ACSM2A: variants seen among roughly 807,000 people sequenced by gnomAD.
ACSM2A encodes the protein acyl-CoA synthetase medium chain family member 2A.
In ACSM2A, 72 loss-of-function variants were observed where a neutral mutation model predicts 76.6. The ratio of observed to expected loss-of-function variants is 0.94; its 90% confidence interval spans 0.78 to 1.14. ACSM2A has a LOEUF of 1.14. Among genes scored for constraint, ACSM2A ranks in the 50% most tolerant of loss-of-function variants. ACSM2A has a pLI of 0.00. For synonymous variants in ACSM2A, 249 were observed against 255.9 expected, an observed-to-expected ratio of 0.97 and a Z score of 0.26; for missense variants, 684 against 708.5, an observed-to-expected ratio of 0.97 and a Z score of 0.39.
In ACSM2A at chr16:20,480,812, T is replaced by G. The variant is rs1358549168; in HGVS notation, c.1410-10T>G. On this transcript the variant is annotated splice_polypyrimidine_tract_variant and intron_variant, in intron 11 of 13. Coordinates refer to ENST00000573854, the MANE Select transcript of ACSM2A (RefSeq NM_001308172.2). ...GTCCAGTGTTCTCTGAAGGACAGGT[T>G]CTTCTGCAGGTACCGGATTGGACCC... 1.2e-6 allele frequency: 2 copies of G among 1,613,900 alleles called. No individual in the cohort carries two copies. The highest frequency in any genetic ancestry group is 1.7e-6 in the Non-Finnish European group (2 of 1,179,856).
Position 20,483,217 on chromosome 16 carries a change from A to C in ACSM2A, c.1629+40A>C, listed in dbSNP as rs374630512. The C allele has an allele frequency of 2.5e-6, 4 of 1,607,136 alleles. No individual in the cohort carries two copies. The South Asian group carries it at 4.4e-5, about 18-fold the overall frequency. ...CTCCCAAGTCACTCAAACTTGAGAA[A>C]TAGATTGTTTTCCTGTTATATTTAT... On this transcript the variant is annotated intron_variant, in intron 13 of 13. Transcript: ENST00000573854.
intron 6 of ACSM2A, chr16:20,473,936 C>A: frequency 2.6e-6 from 1 of 389,294 alleles, no homozygotes; most frequent in Admixed American, 3.1e-5. Context: ...TTAACTAAGG[C>A]ATTCCTTTCT....
intron 8 of ACSM2A, chr16:20,476,037 A>G: frequency 9.4e-7 from 1 of 1,063,270 alleles, no homozygotes; most frequent in Non-Finnish European, 1.2e-6. Context: ...GCAGGTGGTG[A>G]GAAATGCGAT....
intron 1 of ACSM2A, among the ~76,000 whole-genome samples, chr16:20,458,835 A>T: frequency 7.1e-6 from 1 of 140,626 alleles, no homozygotes; most frequent in Non-Finnish European, 1.5e-5. Flanking sequence ...AATATATATA[A>T]AAAAGAATTT....
chr16:20,466,796 G>A (rs2013026400), intron 3 of ACSM2A, among the ~76,000 whole-genome samples: 1 of 152,156 alleles, frequency 6.6e-6, no homozygotes, highest in Non-Finnish European at 1.5e-5. Context: ...CAGACTTAGG[G>A]TTTACCATAA....
At chr16:20,477,151 T>G in intron 8 of ACSM2A, 1 of 691,550 alleles carries the variant, frequency 1.4e-6, no homozygotes, top group Non-Finnish European at 2.1e-6. Context: ...TCCTGGGGAG[T>G]GGTAGATGGG....
At chr16:20,456,951 A>G (rs1476295432) in intron 1 of ACSM2A, among the ~76,000 whole-genome samples, 1 of 151,868 alleles carries the variant, frequency 6.6e-6, no homozygotes, top group African/African-American at 2.4e-5. Flanking sequence ...AATAAGCTCA[A>G]TTAGAAAGGA....
intron 4 of ACSM2A, 53 bp downstream of exon 4, chr16:20,469,772 C>T: frequency 6.2e-7 from 1 of 1,609,084 alleles, no homozygotes; most frequent in Non-Finnish European, 8.5e-7. Context: ...GAAACAGAGC[C>T]AAGCACTTAG....
Position 20,475,668 on chromosome 16 carries a change from A to G in ACSM2A, c.993A>G (p.Leu331=), listed in dbSNP as rs1482691887. Residue 331 remains leucine (L), a synonymous_variant, in exon 8 of 14, where the codon CTA becomes CTG. Transcript: ENST00000573854. Reference sequence around the variant, plus strand: ...TCTTCAGTTACAAGTTCCCCCATCTACAGAACTGCGTCACTGTAGGGGAGT... The same window carrying G: ...TCTTCAGTTACAAGTTCCCCCATCTGCAGAACTGCGTCACTGTAGGGGAGT... ...QDLSSYKFPH[L]QNCVTVGESL... The G allele has an allele frequency of 1.2e-6, 2 of 1,613,852 alleles. No individual in the cohort carries two copies. Among genetic ancestry groups the G allele is most frequent in the Non-Finnish European group, 1.7e-6 (2 of 1,179,932 alleles).
chr16:20,469,870 G>GTTTTTTTTTTTTTTTTTTTTTTTTTTTT (rs1567365569), intron 4 of ACSM2A, 151 bp downstream of exon 4: 1 of 589,460 alleles, frequency 1.7e-6, no homozygotes. Flanking sequence ...TAACACAAGG[G>GTTTTTTTTTTTTTTTTTTTTTTTTTTTT]TATTTTTTTT....
In ACSM2A at chr16:20,479,070, A is replaced by G. The variant is rs1398659203; in HGVS notation, c.1281+393A>G. On this transcript the variant is annotated intron_variant, in intron 10 of 13. Coordinates refer to ENST00000573854, the MANE Select transcript of ACSM2A (RefSeq NM_001308172.2). ...TTTAGAGCCATGCCAGGCACTTTAC[A>G]GTAAGACTTCACCATCTAGTTGGAG... Among the ~76,000 whole-genome samples, 21 of 152,036 alleles carry G rather than the reference A, an allele frequency of 1.4e-4. No homozygotes were observed. The East Asian group carries it at 3.1e-3, about 22-fold the overall frequency.
chr16:20,465,469 T>G (rs111564290), intron 2 of ACSM2A, 48 bp from the exon 3 acceptor site: 2 of 1,599,004 alleles, frequency 1.3e-6, no homozygotes, highest in Non-Finnish European at 1.7e-6. Flanking sequence ...TTATCCTACC[T>G]GCTTGTGTAC....
At chr16:20,456,727 G>C (rs567389671) in intron 1 of ACSM2A, among the ~76,000 whole-genome samples, 1 of 148,462 alleles carries the variant, frequency 6.7e-6, no homozygotes, top group South Asian at 2.2e-4. Context: ...ACAATCTAAG[G>C]CCACACCTCA....
intron 1 of ACSM2A, chr16:20,453,239 G>A (rs963730061): frequency 6.6e-6 from 1 of 151,968 alleles, no homozygotes; most frequent in African/African-American, 2.4e-5. Flanking sequence ...TGATTGTTTT[G>A]CAGGAAGTCA....
intron 2 of ACSM2A, among the ~76,000 whole-genome samples, chr16:20,465,222 T>C (rs1012027382): frequency 9.8e-5 from 15 of 152,298 alleles, no homozygotes; most frequent in South Asian, 2.1e-4. Flanking sequence ...TTGAAAAGTT[T>C]ACTTTATCAT....
At chr16:20,473,082 CTA>C in intron 6 of ACSM2A, among the ~76,000 whole-genome samples, 1 of 152,238 alleles carries the variant, frequency 6.6e-6, no homozygotes, top group South Asian at 2.1e-4. Context: ...ATGTTGGACT[CTA>C]TGATAGAGGG....
intron 13 of ACSM2A, 81 bp downstream of exon 13, chr16:20,483,258 G>C: frequency 3.8e-6 from 6 of 1,571,524 alleles, no homozygotes; most frequent in Non-Finnish European, 5.2e-6. Flanking sequence ...TCAGGAGGAG[G>C]ACAGTCCTCT....
At chr16:20,458,892 T>TTATATATATATGCATATATATATATATA (rs1555497705) in intron 1 of ACSM2A, among the ~76,000 whole-genome samples, 9 of 111,186 alleles carry the variant, frequency 8.1e-5, no homozygotes, top group South Asian at 3.6e-4. Context: ...ATAGTATATA[T>TTATATATATATGCATATATATATATATA]TATATATATA....
At chr16:20,474,709 T>C (rs1335531324) in intron 6 of ACSM2A, among the ~76,000 whole-genome samples, 3 of 152,190 alleles carry the variant, frequency 2.0e-5, no homozygotes, top group Non-Finnish European at 4.4e-5. Context: ...CTAGGTGACC[T>C]TGGAGCAGCT....
Sources: allele counts gnomAD v4.1 joint callset (sites outside exome capture counted in the v4.1 genomes callset), GRCh38; gene constraint gnomAD v4.1.1; transcripts MANE v1.5; gene names NCBI Gene and HGNC (gene_info 2026-07-23, HGNC 2026-07-21).